The following CMTM8 variants were observed in gnomAD, a reference collection of about 807,000 sequenced individuals.
CMTM8 encodes CKLF like MARVEL transmembrane domain containing 8, also known as CKLF-like MARVEL transmembrane domain-containing protein 8.
CMTM8 carries 12 observed loss-of-function variants against 18.6 expected under a neutral mutation model. The observed-to-expected ratio is 0.65, with a 90% CI of 0.41 to 1.05. The LOEUF (loss-of-function observed/expected upper bound fraction) is 1.05. Ranked by LOEUF, CMTM8 falls within the 50% of genes least tolerant of loss-of-function variation. The pLI is 0.00. For missense variants in CMTM8, 217 were observed against 227.2 expected (o/e 0.95, Z 0.29); for synonymous variants, 87 against 90.6 (o/e 0.96, Z 0.23).
rs748029819 is a variant in CMTM8, at chr3:32,357,590, T to C, written c.321+44T>C. The C allele has an allele frequency of 2.5e-6, 4 of 1,582,630 alleles. No homozygotes were observed. The South Asian group carries it at 3.4e-5, about 13-fold the overall frequency. ...GTGGTCTTGTCCAGTGCCCACTCGG[T>C]AGATGGCATTAGTCCTCTACTAGTC... On this transcript the variant is annotated intron_variant, in intron 2 of 3. Coordinates refer to ENST00000307526, the MANE Select transcript of CMTM8 (RefSeq NM_178868.5).
At chr3:32,350,615 G>A (rs1696690039) in intron 1 of CMTM8, among the ~76,000 whole-genome samples, 1 of 151,862 alleles carries the variant, frequency 6.6e-6, no homozygotes, top group Admixed American at 6.6e-5. Flanking sequence ...CTGCCTCCCA[G>A]GTTCAAGTGA....
At chr3:32,269,735 A>G (rs997023270) in intron 1 of CMTM8, among the ~76,000 whole-genome samples, 4 of 152,170 alleles carry the variant, frequency 2.6e-5, no homozygotes, top group African/African-American at 9.7e-5. Context: ...TGTTTCACTA[A>G]AACTTTTTTG....
chr3:32,238,935 G>C lies in CMTM8; in HGVS notation c.-38G>C, dbSNP rs1575141086. ...GCGCGTCCAGCCCCAGACCCGCCGG[G>C]GTCCCTGGGGACGCGCCAGCCCGGC... On this transcript the variant is annotated 5_prime_UTR_variant, in exon 1 of 4. Transcript: ENST00000307526. 1 of 1,533,650 alleles carries C rather than the reference G, an allele frequency of 6.5e-7. No individual in the cohort carries two copies. Among genetic ancestry groups the C allele is most frequent in the Non-Finnish European group, 8.8e-7 (1 of 1,138,756 alleles).
intron 1 of CMTM8, among the ~76,000 whole-genome samples, chr3:32,331,060 C>T (rs1696264797): frequency 6.6e-6 from 1 of 152,146 alleles, no homozygotes. Context: ...ACCTGCAAGC[C>T]ATGAATCTGA....
chr3:32,353,950 A>G (rs1326601220), intron 1 of CMTM8, among the ~76,000 whole-genome samples: 2 of 151,752 alleles, frequency 1.3e-5, no homozygotes, highest in Non-Finnish European at 2.9e-5. Context: ...ACGCCCAGCT[A>G]ATTTTTGTAT....
At chr3:32,322,478 T>C (rs1017741846) in intron 1 of CMTM8, among the ~76,000 whole-genome samples, 1 of 152,256 alleles carries the variant, frequency 6.6e-6, no homozygotes, top group Non-Finnish European at 1.5e-5. Flanking sequence ...CCTCATGGAC[T>C]GATAACCTAA....
rs369671961 is a variant in CMTM8 at position 32,346,104 on chromosome 3, A to G, written c.148-11269A>G. Among the ~76,000 whole-genome samples the G allele has an allele frequency of 9.2e-5, 14 of 152,282 alleles. No individual in the cohort carries two copies. The South Asian group carries it at 2.5e-3, about 27-fold the overall frequency. On this transcript the variant is annotated intron_variant, in intron 1 of 3. Coordinates refer to ENST00000307526, the MANE Select transcript of CMTM8 (RefSeq NM_178868.5). ...AGGAGGTGGAGGTTGTAGTGAACCA[A>G]GATCATGCCATTGCACTCCAGCCTG...
intron 1 of CMTM8, among the ~76,000 whole-genome samples, chr3:32,341,538 G>A (rs910149996): frequency 1.3e-5 from 2 of 152,190 alleles, no homozygotes; most frequent in South Asian, 2.1e-4. Flanking sequence ...CTGAGGCACA[G>A]AAGAGTTAAA....
At chr3:32,256,892 G>T (rs1426805735) in intron 1 of CMTM8, among the ~76,000 whole-genome samples, 1 of 152,284 alleles carries the variant, frequency 6.6e-6, no homozygotes, top group East Asian at 1.9e-4. Flanking sequence ...CTTTCACTGG[G>T]CTTCAAATCC....
chr3:32,272,907 A>T (rs1702459742), intron 1 of CMTM8, among the ~76,000 whole-genome samples: 1 of 152,080 alleles, frequency 6.6e-6, no homozygotes, highest in African/African-American at 2.4e-5. Context: ...TTTGTCTCCC[A>T]CCACCCTGTA....
intron 1 of CMTM8, among the ~76,000 whole-genome samples, chr3:32,308,992 C>T (rs1337693902): frequency 6.6e-6 from 1 of 152,110 alleles, no homozygotes; most frequent in Non-Finnish European, 1.5e-5. Context: ...CACCCATCGT[C>T]CTTGAGGTTA....
At chr3:32,369,628 C>T (rs1017893302) in intron 3 of CMTM8, among the ~76,000 whole-genome samples, 22 of 152,298 alleles carry the variant, frequency 1.4e-4, no homozygotes, top group Admixed American at 3.9e-4. Flanking sequence ...GCACTGCCGC[C>T]GTATTCACTC....
rs886413694 is a variant in CMTM8 at position 32,335,944 on chromosome 3, C to T, written c.148-21429C>T. On this transcript the variant is annotated intron_variant, in intron 1 of 3. Coordinates refer to ENST00000307526, the MANE Select transcript of CMTM8 (RefSeq NM_178868.5). ...TTAAACATCCGGAGGGCAAGTGGAC[C>T]GAGGGAATGACAGACTCCAGAAAGC... Among the ~76,000 whole-genome samples the T allele has an allele frequency of 3.3e-5, 5 of 152,054 alleles. No homozygotes were observed. The East Asian group carries it at 5.8e-4, about 18-fold the overall frequency.
intron 1 of CMTM8, among the ~76,000 whole-genome samples, chr3:32,311,639 C>A (rs1370718): frequency 0.07 from 10,587 of 152,242 alleles, 520 homozygotes; most frequent in East Asian, 0.19. Context: ...CCTGTTTCCT[C>A]TCTAGTATTC....
intron 1 of CMTM8, among the ~76,000 whole-genome samples, chr3:32,282,171 A>G (rs1347913477): frequency 1.3e-5 from 2 of 152,244 alleles, no homozygotes; most frequent in South Asian, 2.1e-4. Context: ...AATACAGAGA[A>G]CAGAGAAACA....
chr3:32,355,147 C>T (rs570000097), intron 1 of CMTM8, among the ~76,000 whole-genome samples: 1 of 152,284 alleles, frequency 6.6e-6, no homozygotes, highest in African/African-American at 2.4e-5. Flanking sequence ...TTAACATGTC[C>T]CTTGGAAACC....
At chr3:32,298,961 T>A (rs1480576738) in intron 1 of CMTM8, among the ~76,000 whole-genome samples, 22 of 143,194 alleles carry the variant, frequency 1.5e-4, no homozygotes, top group African/African-American at 5.5e-4. Flanking sequence ...ATATATTTTT[T>A]TTTTTTTAGA....
intron 1 of CMTM8, among the ~76,000 whole-genome samples, chr3:32,294,959 G>A (rs929545157): frequency 1.3e-5 from 2 of 152,062 alleles, no homozygotes; most frequent in Non-Finnish European, 2.9e-5. Context: ...GGAGGTTGAG[G>A]CAGGAGAATC....
chr3:32,267,122 A>G (rs994104650), intron 1 of CMTM8, among the ~76,000 whole-genome samples: 1 of 152,176 alleles, frequency 6.6e-6, no homozygotes, highest in African/African-American at 2.4e-5. Flanking sequence ...TATGGAACCA[A>G]AAAGGAGCCC....
Sources: gnomAD v4.1 joint callset for allele counts (sites outside exome capture counted in the v4.1 genomes callset) on GRCh38, gnomAD v4.1.1 for gene constraint, MANE v1.5 for transcripts, NCBI Gene and HGNC (gene_info 2026-07-23, HGNC 2026-07-21) for gene names.